Variants in WDR3 observed in about 807,000 individuals in gnomAD.
WDR3 encodes WD repeat domain 3, also known as WD repeat-containing protein 3.
Under a neutral mutation model 123.7 loss-of-function variants are expected in WDR3, and 81 were observed. That is an observed-to-expected ratio of 0.65 (90% CI 0.55 to 0.79). The LOEUF (loss-of-function observed/expected upper bound fraction) is 0.79, where lower values mean the gene tolerates loss of function less well. Ranked by LOEUF, WDR3 falls within the 30% of genes least tolerant of loss-of-function variation. WDR3 has a pLI of 0.00. For missense variants in WDR3, 1,027 were observed against 1,123.2 expected (o/e 0.91, Z 1.22); for synonymous variants, 390 against 388.8 (o/e 1.00, Z -0.04).
chr1:117,941,624 T>C, intron 8 of WDR3, 126 bp from the exon 9 acceptor site: 1 of 1,179,190 alleles, frequency 8.5e-7, no homozygotes, highest in South Asian at 1.5e-5. Flanking sequence ...CCAGAGAGAT[T>C]AAGTTGTCCA....
intron 2 of WDR3, 177 bp downstream of exon 2, chr1:117,933,667 C>T (rs951746845): frequency 6.6e-6 from 5 of 756,580 alleles, no homozygotes; most frequent in East Asian, 2.8e-5. Context: ...TTGTGTTCTT[C>T]GCCACTGAAT....
In WDR3 at chr1:117,959,698, C is replaced by T; in HGVS notation, c.*251C>T. 1 of 316,984 alleles carries T rather than the reference C, an allele frequency of 3.2e-6. No homozygotes were observed. Among genetic ancestry groups the T allele is most frequent in the Non-Finnish European group, 5.7e-6 (1 of 175,840 alleles). 19.6% of individuals were successfully genotyped at this position (316,984 alleles called of 1,614,324 possible). On this transcript the variant is annotated 3_prime_UTR_variant, in exon 27 of 27. Coordinates refer to ENST00000349139, the MANE Select transcript of WDR3 (RefSeq NM_006784.3). ...CTGTGCTCTCAAAGCTTGAGCCTTG[C>T]AGCTCAAGCTTGTTGTTCCCTTTAT...
intron 4 of WDR3, among the ~76,000 whole-genome samples, chr1:117,938,027 A>G (rs1651006512): frequency 6.6e-6 from 1 of 152,192 alleles, no homozygotes; most frequent in Non-Finnish European, 1.5e-5. Flanking sequence ...ACTTAAGTTC[A>G]GGTTAGTGTA....
At chr1:117,933,616 T>A in intron 2 of WDR3, 126 bp downstream of exon 2, 1 of 1,305,418 alleles carries the variant, frequency 7.7e-7, no homozygotes, top group Non-Finnish European at 1.1e-6. Flanking sequence ...AGAAGAAAAA[T>A]CTTTTTCCTT....
intron 21 of WDR3, chr1:117,953,800 C>A: frequency 1.7e-6 from 1 of 602,648 alleles, no homozygotes; most frequent in Non-Finnish European, 2.9e-6. Context: ...CCACCTGAGT[C>A]CATGACACTC....
At chr1:117,949,174 A>G (rs548425120) in intron 13 of WDR3, among the ~76,000 whole-genome samples, 3 of 152,278 alleles carry the variant, frequency 2.0e-5, no homozygotes, top group African/African-American at 7.2e-5. Flanking sequence ...TTGCATTTGT[A>G]GAGTGTTCTA....
At chr1:117,951,615 A>G (rs1347791892) in intron 16 of WDR3, among the ~76,000 whole-genome samples, 1 of 151,782 alleles carries the variant, frequency 6.6e-6, no homozygotes, top group African/African-American at 2.4e-5. Flanking sequence ...ATTCTAGTAG[A>G]GTCTTTCTCA....
rs755147644 is a variant in WDR3 at position 117,936,766 on chromosome 1, T to C, written c.382-3T>C. 6.2e-7 allele frequency: 1 copy of C among 1,606,100 alleles called. No homozygotes were observed. The highest frequency in any genetic ancestry group is 1.1e-5 in the South Asian group (1 of 90,094). On this transcript the variant is annotated splice_region_variant and splice_polypyrimidine_tract_variant and intron_variant, in intron 3 of 26. Transcript: ENST00000349139. ...TTTCATCTGTATTATTTGATCCCTT[T>C]AGGACACAGATATTATTGTATGGGA...
At position 117,950,122 on chromosome 1, in the gene WDR3, A is replaced by G; in HGVS notation, c.1738A>G (p.Thr580Ala). The G allele has an allele frequency of 3.1e-6, 5 of 1,613,758 alleles. No individual in the cohort carries two copies. The highest frequency in any genetic ancestry group is 4.2e-6 in the Non-Finnish European group (5 of 1,179,840). ...TACTGTGAAAATTTTCTACGTTGAT[A>G]CTTTAAAGGTACAGTGGTTATGCCT... The part of the protein sequence containing the change: ...DCTVKIFYVD[T>A]LKFFLSLYGH... The change falls in exon 15 of 27, where the codon ACT becomes GCT. Residue 580 changes from threonine to alanine, a missense_variant. Transcript: ENST00000349139.
chr1:117,957,236 G>A (rs1393713538), intron 25 of WDR3, 40 bp downstream of exon 25: 2 of 1,590,754 alleles, frequency 1.3e-6, no homozygotes, highest in Non-Finnish European at 1.7e-6. Context: ...CTGTTCAGCA[G>A]AACTGCTTCA....
At chr1:117,934,792 C>A in intron 3 of WDR3, 110 bp downstream of exon 3, 1 of 1,061,370 alleles carries the variant, frequency 9.4e-7, no homozygotes, top group Non-Finnish European at 1.4e-6. Context: ...TGTCAATATA[C>A]AAAGTAGTAT....
chr1:117,953,131 T>A (rs1651710020), intron 20 of WDR3, 135 bp downstream of exon 20: 7 of 1,062,412 alleles, frequency 6.6e-6, no homozygotes. Flanking sequence ...TGATAAAGAA[T>A]CTGTGTAATT....
At chr1:117,949,265 T>C (rs1651516140) in intron 13 of WDR3, among the ~76,000 whole-genome samples, 1 of 152,172 alleles carries the variant, frequency 6.6e-6, no homozygotes. Flanking sequence ...TATAAATCTA[T>C]GAGGGACAGA....
chr1:117,953,032 A>G (rs1264812409), intron 20 of WDR3, 36 bp downstream of exon 20: 2 of 1,599,716 alleles, frequency 1.3e-6, no homozygotes, highest in South Asian at 1.1e-5. Context: ...ATTATGCCCC[A>G]TATATAGTTA....
Position 117,961,066 on chromosome 1 carries a change from AAGGTC to A in WDR3, c.*1623_*1627del, listed in dbSNP as rs1434134502. 6.6e-6 allele frequency: 1 copy of A among 152,176 alleles called. No individual in the cohort carries two copies. The highest frequency in any genetic ancestry group is 1.5e-5 in the Non-Finnish European group (1 of 68,044). The allele number at this position is 152,176 out of a possible 1,614,324, so 9.4% of individuals were successfully genotyped here. A position where few individuals can be genotyped will look rare whatever the true frequency, so the allele number is the denominator to read the frequency against. On this transcript the variant is annotated 3_prime_UTR_variant, in exon 27 of 27. Coordinates refer to ENST00000349139, the MANE Select transcript of WDR3 (RefSeq NM_006784.3). The stretch of plus-strand genomic sequence containing the variant: ...TGGGAGGCCGAGGCAGGCGGATCAC[AAGGTC>A]AGGAGTTCCAGACCAGCCTGGCCAA...
chr1:117,949,608 AG>A, intron 13 of WDR3, 142 bp from the exon 14 acceptor site: 1 of 842,512 alleles, frequency 1.2e-6, no homozygotes, highest in Non-Finnish European at 1.8e-6. Flanking sequence ...GATCAGTGAA[AG>A]GGGCTAGGGA....
rs1415698191 is a variant in WDR3 at position 117,939,519 on chromosome 1, A to T, written c.622A>T (p.Thr208Ser). 6.2e-7 allele frequency: 1 copy of T among 1,613,720 alleles called. No individual in the cohort carries two copies. Among genetic ancestry groups the T allele is most frequent in the African/African-American group, 1.3e-5 (1 of 74,892 alleles). ...VLLSEEKRLI[T>S]GASDSELRVW... is the part of the protein sequence containing the mutation. The stretch of plus-strand genomic sequence containing the variant: ...GTTGTCAGAAGAAAAGCGACTCATC[A>T]CTGGGGCCTCAGACAGTGAACTGAG... The change falls in exon 6 of 27, where the codon ACT (threonine) becomes TCT (serine). Residue 208 changes from threonine to serine, a missense_variant. Transcript: ENST00000349139.
chr1:117,952,749 C>G (rs549098665), intron 19 of WDR3, 87 bp downstream of exon 19: 1 of 1,523,518 alleles, frequency 6.6e-7, no homozygotes, highest in East Asian at 2.3e-5. Flanking sequence ...TGCAGTTACA[C>G]CTGATGCATT....
At chr1:117,932,554 G>C (rs1650770347) in intron 1 of WDR3, among the ~76,000 whole-genome samples, 1 of 152,086 alleles carries the variant, frequency 6.6e-6, no homozygotes, top group African/African-American at 2.4e-5. Context: ...ATTTTGCCTT[G>C]TTAATAGTGT....
Sources: allele counts gnomAD v4.1 joint callset (sites outside exome capture counted in the v4.1 genomes callset), GRCh38; gene constraint gnomAD v4.1.1; transcripts MANE v1.5; gene names NCBI Gene and HGNC (gene_info 2026-07-23, HGNC 2026-07-21).